YAF2: variants seen among roughly 807,000 people sequenced by gnomAD.
YAF2 encodes the protein YY1-associated factor 2.
A neutral mutation model predicts 20.1 loss-of-function variants in YAF2; 7 were observed. The ratio of observed to expected loss-of-function variants is 0.35; its 90% CI spans 0.20 to 0.65. YAF2 has a LOEUF of 0.65. Ranked by LOEUF, YAF2 falls within the 30% of genes least tolerant of loss-of-function variation. The pLI is 0.69. For missense variants in YAF2, 151 were observed against 219.2 expected (o/e 0.69, Z 1.96); for synonymous variants, 74 against 76.0 (o/e 0.97, Z 0.14).
At chr12:42,169,710 G>T (rs1002643693) in intron 2 of YAF2, among the ~76,000 whole-genome samples, 19 of 152,084 alleles carry the variant, frequency 1.2e-4, no homozygotes, top group Non-Finnish European at 2.6e-4. Context: ...ACCGTGCCCA[G>T]CCAACTTCTT....
At chr12:42,195,718 CTG>C (rs1414728305) in intron 2 of YAF2, among the ~76,000 whole-genome samples, 1 of 152,162 alleles carries the variant, frequency 6.6e-6, no homozygotes, top group Non-Finnish European at 1.5e-5. Context: ...CTACAGAACA[CTG>C]TAGAGAATAG....
At chr12:42,217,966 C>A (rs182399178) in intron 2 of YAF2, among the ~76,000 whole-genome samples, 2 of 151,896 alleles carry the variant, frequency 1.3e-5, no homozygotes, top group Non-Finnish European at 2.9e-5. Flanking sequence ...GGCACAGTGG[C>A]CTAAAAAAGA....
intron 2 of YAF2, among the ~76,000 whole-genome samples, chr12:42,175,740 C>CAAAAAAAAAAAAA (rs59476115): frequency 7.3e-4 from 33 of 45,000 alleles, no homozygotes; most frequent in Non-Finnish European, 8.9e-4. Context: ...GACTCTGTCT[C>CAAAAAAAAAAAAA]AAAAAAAAAA....
intron 2 of YAF2, among the ~76,000 whole-genome samples, chr12:42,218,000 C>G (rs933540841): frequency 6.6e-6 from 1 of 152,098 alleles, no homozygotes; most frequent in Non-Finnish European, 1.5e-5. Flanking sequence ...CAGACAATCC[C>G]AACCTTGAAA....
At chr12:42,193,270 G>A (rs964305149) in intron 2 of YAF2, among the ~76,000 whole-genome samples, 1 of 150,682 alleles carries the variant, frequency 6.6e-6, no homozygotes, top group African/African-American at 2.4e-5. Flanking sequence ...AACCGAGATT[G>A]CGCTGCTGCA....
At position 42,157,104 on chromosome 12, in the gene YAF2, T is replaced by C. The variant is rs2065723410; in HGVS notation, c.*3485A>G. ...TAACAGAATACCTGAGACTGGGCAA[T>C]TTATAAAGAAAACAGATTTATTTTG... On this transcript the variant is annotated 3_prime_UTR_variant, in exon 4 of 4. Coordinates refer to ENST00000534854, the MANE Select transcript of YAF2 (RefSeq NM_005748.6). 6.6e-6 allele frequency: 1 copy of C among 152,058 alleles called. No homozygotes were observed. The highest frequency in any genetic ancestry group is 1.5e-5 in the Non-Finnish European group (1 of 68,006). The allele number at this position is 152,058 out of a possible 1,614,324, so 9.4% of individuals were successfully genotyped here.
chr12:42,163,334 G>T (rs1296139783), intron 2 of YAF2, among the ~76,000 whole-genome samples: 2 of 152,156 alleles, frequency 1.3e-5, no homozygotes, highest in Non-Finnish European at 2.9e-5. Flanking sequence ...CTTAAGTGAT[G>T]ATAAGTCACT....
chr12:42,196,286 T>C (rs2066751175), intron 2 of YAF2, among the ~76,000 whole-genome samples: 1 of 147,000 alleles, frequency 6.8e-6, no homozygotes, highest in Non-Finnish European at 1.5e-5. Flanking sequence ...ATCCAGAGAT[T>C]AGAGTGTGTG....
intron 2 of YAF2, among the ~76,000 whole-genome samples, chr12:42,211,908 G>C (rs2067223704): frequency 6.6e-6 from 1 of 151,940 alleles, no homozygotes; most frequent in Non-Finnish European, 1.5e-5. Context: ...AATTAGCCGG[G>C]TGTAGTGGCA....
intron 2 of YAF2, chr12:42,235,227 T>A (rs2068110420): frequency 1.0e-6 from 1 of 995,940 alleles, no homozygotes; most frequent in Non-Finnish European, 1.2e-6. Context: ...AGCTATCCAG[T>A]CTTGGCTTTA....
Position 42,198,420 on chromosome 12 carries a change from CA to C in YAF2, c.153-36656del, listed in dbSNP as rs1297964788. Among the ~76,000 whole-genome samples, 5 of 152,056 alleles carry C rather than the reference CA, an allele frequency of 3.3e-5. No homozygotes were observed. In the East Asian group the frequency reaches 7.8e-4, roughly 24 times the overall value. ...GCAACATGGTGAAACTCTGTCTCTA[CA>C]AAAAAATACAAAAATTGGCCAAGTG... On this transcript the variant is annotated intron_variant, in intron 2 of 3. Transcript: ENST00000534854.
chr12:42,178,484 C>G (rs1358424348), intron 2 of YAF2, among the ~76,000 whole-genome samples: 1 of 152,188 alleles, frequency 6.6e-6, no homozygotes, highest in African/African-American at 2.4e-5. Context: ...TTCCAAATAA[C>G]CTTATCTACT....
chr12:42,178,753 T>C (rs1331931259), intron 2 of YAF2, among the ~76,000 whole-genome samples: 5 of 152,208 alleles, frequency 3.3e-5, no homozygotes, highest in Non-Finnish European at 7.3e-5. Flanking sequence ...GAAAATTTGC[T>C]TATAAAATTA....
intron 2 of YAF2, chr12:42,235,545 A>C: frequency 4.4e-6 from 6 of 1,356,952 alleles, no homozygotes; most frequent in Non-Finnish European, 5.7e-6. Context: ...TTAGAGCCAA[A>C]ATCAAAAGAG....
intron 2 of YAF2, among the ~76,000 whole-genome samples, chr12:42,164,305 G>T (rs2065863797): frequency 6.6e-6 from 1 of 152,138 alleles, no homozygotes; most frequent in Non-Finnish European, 1.5e-5. Context: ...TAAGAAAAGG[G>T]GGAACATTTT....
chr12:42,225,989 T>C (rs546707196), intron 2 of YAF2, among the ~76,000 whole-genome samples: 32 of 152,234 alleles, frequency 2.1e-4, no homozygotes, highest in Non-Finnish European at 3.8e-4. Flanking sequence ...TTTCACAATA[T>C]TGATTCTTCC....
In YAF2 at chr12:42,237,814, C is replaced by T. The variant is rs1044064791; in HGVS notation, c.27-90G>A. On this transcript the variant is annotated intron_variant, in intron 1 of 3. Transcript: ENST00000534854. ...GCCCCGCGGCCGCCCCCGCCCCGCCCCCCGCCCCAATTCTGCGACCCCCGC... is the reference window on the plus strand; with the variant it reads ...GCCCCGCGGCCGCCCCCGCCCCGCCTCCCGCCCCAATTCTGCGACCCCCGC... 4 of 1,028,480 alleles carry T rather than the reference C, an allele frequency of 3.9e-6. No individual in the cohort carries two copies. In the African/African-American group the frequency reaches 7.0e-5, roughly 18 times the overall value. The allele number at this position is 1,028,480 out of a possible 1,614,324, so 63.7% of individuals were successfully genotyped here. A position where few individuals can be genotyped will look rare whatever the true frequency, so the allele number is the denominator to read the frequency against.
chr12:42,165,773 GT>G (rs71084620), intron 2 of YAF2, among the ~76,000 whole-genome samples: 23,381 of 115,852 alleles, frequency 0.2, 2,441 homozygotes, highest in African/African-American at 0.31. Flanking sequence ...GCCCGGCCAG[GT>G]TTTTTTTTTT....
At chr12:42,176,377 ACCCAAAGTGCTG>A (rs1245553806) in intron 2 of YAF2, among the ~76,000 whole-genome samples, 7 of 151,970 alleles carry the variant, frequency 4.6e-5, no homozygotes, top group Non-Finnish European at 8.8e-5. Context: ...TGCCTCAGCC[ACCCAAAGTGCTG>A]GGATTACAGG....
Sources: gnomAD v4.1 joint callset for allele counts (sites outside exome capture counted in the v4.1 genomes callset) on GRCh38, gnomAD v4.1.1 for gene constraint, MANE v1.5 for transcripts, NCBI Gene and HGNC (gene_info 2026-07-23, HGNC 2026-07-21) for gene names.